RASSF5: variants seen among roughly 807,000 people sequenced by gnomAD.
The protein encoded by RASSF5 is Ras association domain family member 5, also known as ras association domain-containing protein 5.
A neutral mutation model predicts 40.5 loss-of-function variants in RASSF5; 25 were observed. That is an observed-to-expected ratio of 0.62 (90% CI 0.45 to 0.86). The LOEUF (loss-of-function observed/expected upper bound fraction) is 0.86, where lower values mean the gene tolerates loss of function less well. Ranked by LOEUF, RASSF5 falls within the 40% of genes least tolerant of loss-of-function variation. The pLI is 0.00. For missense variants in RASSF5, 521 were observed against 572.8 expected (o/e 0.91, Z 0.92); for synonymous variants, 246 against 252.4 (o/e 0.97, Z 0.24).
At chr1:206,551,939 G>A (rs1667853207) in intron 2 of RASSF5, among the ~76,000 whole-genome samples, 1 of 152,234 alleles carries the variant, frequency 6.6e-6, no homozygotes. Context: ...CTGTTGATCA[G>A]AAATAGCTTT....
At chr1:206,583,419 C>A in intron 3 of RASSF5, 40 bp downstream of exon 3, 1 of 1,406,828 alleles carries the variant, frequency 7.1e-7, no homozygotes. Context: ...CCTGCTCCAC[C>A]ACCCGCTTCG....
intron 1 of RASSF5, among the ~76,000 whole-genome samples, chr1:206,528,619 G>C (rs1275071893): frequency 6.6e-6 from 1 of 152,166 alleles, no homozygotes; most frequent in Admixed American, 6.5e-5. Flanking sequence ...CCACTCTGGT[G>C]GGGGATGCTG....
chr1:206,558,534 T>C (rs1026164881), intron 2 of RASSF5, among the ~76,000 whole-genome samples: 4 of 152,216 alleles, frequency 2.6e-5, no homozygotes, highest in South Asian at 2.1e-4. Context: ...TGAGCTGTTA[T>C]ATTTCGCAGG....
chr1:206,535,498 G>A lies in RASSF5; in HGVS notation c.458-2674G>A, dbSNP rs1295344375. ...CATCTCTGCTGGCCTAAAAGCCCTG[G>A]GCTTGGCATTTCCAGGACGAGGAAG... On this transcript the variant is annotated intron_variant, in intron 1 of 5. Coordinates refer to ENST00000579436, the MANE Select transcript of RASSF5 (RefSeq NM_182663.4). The surrounding 1 kb of genome is among the most constrained non-coding windows in gnomAD (Gnocchi z 5.0). 6.6e-6 allele frequency among the ~76,000 whole-genome samples: 1 copy of A among 152,142 alleles called. No individual in the cohort carries two copies. Among genetic ancestry groups the A allele is most frequent in the East Asian group, 1.9e-4 (1 of 5,190 alleles).
intron 1 of RASSF5, among the ~76,000 whole-genome samples, chr1:206,524,362 G>C (rs1200976156): frequency 7.7e-6 from 1 of 129,418 alleles, no homozygotes. Context: ...ATATATTATA[G>C]ATACCATATG....
At chr1:206,563,884 G>A (rs924697112) in intron 2 of RASSF5, among the ~76,000 whole-genome samples, 3 of 152,130 alleles carry the variant, frequency 2.0e-5, no homozygotes, top group Non-Finnish European at 2.9e-5. Flanking sequence ...CCTGGGTCCT[G>A]CTCAGAGCTT....
chr1:206,523,312 C>A lies in RASSF5; in HGVS notation c.458-14860C>A, dbSNP rs781586580. 4.4e-4 allele frequency among the ~76,000 whole-genome samples: 60 copies of A among 136,034 alleles called. 1 individual carries two copies. The highest frequency in any genetic ancestry group is 4.8e-4 in the Non-Finnish European group (31 of 65,064). 89.2% of individuals were successfully genotyped at this position (136,034 alleles called of 152,430 possible). A position where few individuals can be genotyped will look rare whatever the true frequency, so the allele number is the denominator to read the frequency against. On this transcript the variant is annotated intron_variant, in intron 1 of 5. Transcript: ENST00000579436. ...GACCAAGACTTTGTCTCAAAAAAAA[C>A]CCCATATATACATATAAAATATATT...
intron 1 of RASSF5, among the ~76,000 whole-genome samples, chr1:206,534,211 T>C (rs1558502910): frequency 6.6e-6 from 1 of 152,136 alleles, no homozygotes; most frequent in Non-Finnish European, 1.5e-5. Context: ...GGGGCTCCTA[T>C]TGTGGTTTGT....
intron 2 of RASSF5, among the ~76,000 whole-genome samples, chr1:206,556,857 G>C (rs1022777664): frequency 3.9e-5 from 6 of 152,100 alleles, no homozygotes; most frequent in Non-Finnish European, 8.8e-5. Flanking sequence ...GAAGTGGATG[G>C]GGGAGAAGGG....
intron 2 of RASSF5, among the ~76,000 whole-genome samples, chr1:206,548,352 G>A (rs1446479743): frequency 6.6e-6 from 1 of 152,160 alleles, no homozygotes; most frequent in Non-Finnish European, 1.5e-5. Flanking sequence ...AAGGTGAAGG[G>A]AGAGCAGGCA....
chr1:206,576,717 C>G (rs1553405266), intron 2 of RASSF5, among the ~76,000 whole-genome samples: 1 of 152,186 alleles, frequency 6.6e-6, no homozygotes, highest in African/African-American at 2.4e-5. Context: ...GAAGGTGGAA[C>G]TAGGGCTAAT....
chr1:206,526,664 GC>G (rs1667104584), intron 1 of RASSF5, among the ~76,000 whole-genome samples: 1 of 152,140 alleles, frequency 6.6e-6, no homozygotes, highest in Admixed American at 6.5e-5. Context: ...TATCCTTCCA[GC>G]CCCCCTGCCT....
intron 1 of RASSF5, among the ~76,000 whole-genome samples, chr1:206,514,961 G>A (rs1159197927): frequency 1.3e-5 from 2 of 152,150 alleles, no homozygotes; most frequent in Non-Finnish European, 2.9e-5. Context: ...CTGTTTCGTC[G>A]GTAGAACTGA....
At chr1:206,578,350 G>A (rs1668736449) in intron 2 of RASSF5, among the ~76,000 whole-genome samples, 1 of 151,972 alleles carries the variant, frequency 6.6e-6, no homozygotes, top group Non-Finnish European at 1.5e-5. Context: ...CACTTTCCTT[G>A]ACTGTAAAAT....
intron 2 of RASSF5, among the ~76,000 whole-genome samples, chr1:206,575,810 C>T (rs1456109195): frequency 3.9e-5 from 6 of 152,216 alleles, no homozygotes; most frequent in African/African-American, 1.2e-4. Flanking sequence ...ATTTGATGGT[C>T]TTGCATTTGT....
At chr1:206,508,687 C>A (rs1246015883) in intron 1 of RASSF5, among the ~76,000 whole-genome samples, 1 of 152,078 alleles carries the variant, frequency 6.6e-6, no homozygotes, top group African/African-American at 2.4e-5. Flanking sequence ...GCCCCTCAAA[C>A]CTTTGGACTC....
At chr1:206,575,613 T>C (rs541208602) in intron 2 of RASSF5, among the ~76,000 whole-genome samples, 1 of 151,860 alleles carries the variant, frequency 6.6e-6, no homozygotes, top group Non-Finnish European at 1.5e-5. Flanking sequence ...GAGGCCCCCA[T>C]CTCCACACCC....
chr1:206,514,045 G>A (rs1666686701), intron 1 of RASSF5, among the ~76,000 whole-genome samples: 1 of 152,266 alleles, frequency 6.6e-6, no homozygotes, highest in African/African-American at 2.4e-5. Flanking sequence ...GTCTTTGGCT[G>A]AAGTGGCCCA....
At chr1:206,521,151 A>G (rs782810055) in intron 1 of RASSF5, among the ~76,000 whole-genome samples, 6 of 152,188 alleles carry the variant, frequency 3.9e-5, no homozygotes, top group Admixed American at 6.5e-5. Flanking sequence ...GGAGCAAGTC[A>G]TATGTCATTT....
Sources: allele counts gnomAD v4.1 joint callset (sites outside exome capture counted in the v4.1 genomes callset), GRCh38; gene constraint gnomAD v4.1.1; non-coding constraint Gnocchi (gnomAD v3.1); transcripts MANE v1.5; gene names NCBI Gene and HGNC (gene_info 2026-07-23, HGNC 2026-07-21).